GNAQ: variants seen among roughly 807,000 people sequenced by gnomAD.
GNAQ encodes guanine nucleotide-binding protein G(q) subunit alpha.
GNAQ carries 8 observed loss-of-function variants against 43.9 expected under a neutral mutation model. The observed-to-expected ratio is 0.18, with a 90% confidence interval of 0.11 to 0.33. The LOEUF is 0.33. Among genes scored for constraint, GNAQ ranks in the 10% least tolerant of loss-of-function variants. GNAQ has a pLI of 1.00. For missense variants in GNAQ, 158 were observed against 450.8 expected, an observed-to-expected ratio of 0.35 and a Z score of 5.88; for synonymous variants, 155 against 170.7, an observed-to-expected ratio of 0.91 and a Z score of 0.71.
intron 5 of GNAQ, among the ~76,000 whole-genome samples, chr9:77,756,564 G>A (rs1304798823): frequency 6.6e-6 from 1 of 152,242 alleles, no homozygotes; most frequent in East Asian, 1.9e-4. Flanking sequence ...CCATGGCCTA[G>A]GGAATGCTGG....
chr9:78,026,328 T>C (rs1823979966), intron 1 of GNAQ, among the ~76,000 whole-genome samples: 1 of 152,210 alleles, frequency 6.6e-6, no homozygotes, highest in African/African-American at 2.4e-5. Context: ...CCGAAGGCTT[T>C]GTTATACAGT....
Position 77,766,877 on chromosome 9 carries a change from C to A in GNAQ, c.735+27586G>T, listed in dbSNP as rs1248620945. 2.6e-5 allele frequency among the ~76,000 whole-genome samples: 4 copies of A among 152,152 alleles called. No homozygotes were observed. In the South Asian group the frequency reaches 6.2e-4, roughly 24 times the overall value. On this transcript the variant is annotated intron_variant, in intron 5 of 6. Coordinates refer to ENST00000286548, the MANE Select transcript of GNAQ (RefSeq NM_002072.5). Reference sequence around the variant, plus strand: ...CTATGTGGGACCTCTCTGGGGGTTACGAAAGGTATGGCTGTCCTTAGCAGA... The same window carrying A: ...CTATGTGGGACCTCTCTGGGGGTTAAGAAAGGTATGGCTGTCCTTAGCAGA...
intron 2 of GNAQ, among the ~76,000 whole-genome samples, chr9:77,867,390 G>A (rs1024386555): frequency 6.6e-6 from 1 of 152,008 alleles, no homozygotes; most frequent in African/African-American, 2.4e-5. Flanking sequence ...TTTGCTCCTT[G>A]TAAACCACTT....
intron 2 of GNAQ, among the ~76,000 whole-genome samples, chr9:77,835,119 T>G (rs1273502015): frequency 6.6e-6 from 1 of 152,070 alleles, no homozygotes; most frequent in Non-Finnish European, 1.5e-5. Context: ...ATTCACACCC[T>G]GGGCAGGGTG....
chr9:77,953,309 A>T (rs546595743), intron 1 of GNAQ, among the ~76,000 whole-genome samples: 1 of 152,288 alleles, frequency 6.6e-6, no homozygotes, highest in East Asian at 1.9e-4. Context: ...AAGAACCCCT[A>T]ATTAGTTCAT....
At chr9:77,794,733 T>C (rs907582297) in intron 4 of GNAQ, 141 bp from the exon 5 acceptor site, 21 of 468,338 alleles carry the variant, frequency 4.5e-5, no homozygotes, top group South Asian at 7.6e-5. Context: ...TTAATACTTA[T>C]TGAATAATTA....
intron 5 of GNAQ, among the ~76,000 whole-genome samples, chr9:77,760,780 G>A (rs1226275729): frequency 1.3e-5 from 2 of 151,912 alleles, no homozygotes. Flanking sequence ...CTTCCCGGCC[G>A]CCATCCCATC....
intron 1 of GNAQ, among the ~76,000 whole-genome samples, chr9:77,997,943 G>A (rs1475349176): frequency 1.3e-5 from 2 of 152,214 alleles, no homozygotes; most frequent in Non-Finnish European, 2.9e-5. Flanking sequence ...GGGCCAAGGA[G>A]CTGGCGGAAA....
intron 1 of GNAQ, among the ~76,000 whole-genome samples, chr9:78,003,416 T>C (rs1823666501): frequency 6.6e-6 from 1 of 152,200 alleles, no homozygotes. Context: ...TTGTACCTGT[T>C]AGCACTGACC....
At chr9:77,863,470 A>G (rs935782138) in intron 2 of GNAQ, among the ~76,000 whole-genome samples, 6 of 152,134 alleles carry the variant, frequency 3.9e-5, no homozygotes, top group Non-Finnish European at 7.3e-5. Context: ...TCAGTCATTC[A>G]ACAAGTCTCC....
intron 5 of GNAQ, among the ~76,000 whole-genome samples, chr9:77,767,313 G>A (rs2118359616): frequency 6.6e-6 from 1 of 152,216 alleles, no homozygotes. Flanking sequence ...CCTACTAGAT[G>A]CCAGTAGCAC....
intron 2 of GNAQ, among the ~76,000 whole-genome samples, chr9:77,918,969 C>T (rs777356755): frequency 6.6e-6 from 1 of 152,114 alleles, no homozygotes; most frequent in Non-Finnish European, 1.5e-5. Flanking sequence ...GCCCAGGCTG[C>T]AGCGTAGCGG....
rs1001006317 is a variant in GNAQ at position 77,727,404 on chromosome 9, A to G, written c.889+1110T>C. Among the ~76,000 whole-genome samples, 38 of 152,182 alleles carry G rather than the reference A, an allele frequency of 2.5e-4. 2 individuals carry two copies. The highest frequency in any genetic ancestry group is 5.9e-5 in the Non-Finnish European group (4 of 68,038). ...GGATGCATTTTGTTACCAATCACCA[A>G]GTGTTCAAGTGTTTCTCAGAATGGG... is the stretch of plus-strand genomic sequence containing the variant. On this transcript the variant is annotated intron_variant, in intron 6 of 6. Transcript: ENST00000286548.
At position 77,840,353 on chromosome 9, in the gene GNAQ, G is replaced by GTT. The variant is rs397701613; in HGVS notation, c.322-24585_322-24584dup. On this transcript the variant is annotated intron_variant, in intron 2 of 6. Coordinates refer to ENST00000286548, the MANE Select transcript of GNAQ (RefSeq NM_002072.5). Reference sequence around the variant, plus strand: ...AGATGTGTGCATTTGATTACTTTTTGTTTTTTTTTTTTTTTAGACGGAGTC... The same window carrying GTT: ...AGATGTGTGCATTTGATTACTTTTTGTTTTTTTTTTTTTTTTTAGACGGAGTC... 4.6e-3 allele frequency among the ~76,000 whole-genome samples: 650 copies of GTT among 142,340 alleles called. 4 individuals carry two copies. The highest frequency in any genetic ancestry group is 7.5e-3 in the Middle Eastern group (2 of 266). The allele number at this position is 142,340 out of a possible 152,430, so 93.4% of individuals were successfully genotyped here.
intron 1 of GNAQ, among the ~76,000 whole-genome samples, chr9:78,027,751 CA>C (rs34880934): frequency 0.63 from 72,527 of 115,308 alleles, 20,292 homozygotes; most frequent in African/African-American, 0.74. Context: ...AACTCCATCT[CA>C]AAAAAAAAAA....
chr9:77,872,149 T>C (rs552712800), intron 2 of GNAQ, among the ~76,000 whole-genome samples: 1 of 152,370 alleles, frequency 6.6e-6, no homozygotes, highest in South Asian at 2.1e-4. Context: ...ATTCAATATT[T>C]CTTGAACATC....
intron 2 of GNAQ, among the ~76,000 whole-genome samples, chr9:77,835,732 T>A (rs567454323): frequency 6.6e-6 from 1 of 152,300 alleles, no homozygotes; most frequent in African/African-American, 2.4e-5. Context: ...ATAGGAGGAC[T>A]GATAAATAAC....
intron 2 of GNAQ, among the ~76,000 whole-genome samples, chr9:77,861,874 A>C (rs887928874): frequency 6.6e-5 from 10 of 152,042 alleles, no homozygotes; most frequent in African/African-American, 2.2e-4. Flanking sequence ...GTGGCATGGC[A>C]CACACCTGTA....
chr9:77,760,065 T>C (rs1257535751), intron 5 of GNAQ, among the ~76,000 whole-genome samples: 1 of 95,154 alleles, frequency 1.1e-5, no homozygotes, highest in Admixed American at 1.1e-4. Flanking sequence ...CTGGCCTTTT[T>C]CTAATTTTTT....
Sources: allele counts gnomAD v4.1 joint callset (sites outside exome capture counted in the v4.1 genomes callset), GRCh38; gene constraint gnomAD v4.1.1; transcripts MANE v1.5; gene names NCBI Gene and HGNC (gene_info 2026-07-23, HGNC 2026-07-21).